RLIG1: variants seen among roughly 807,000 people sequenced by gnomAD.
RLIG1 encodes RNA ligase 1.
chr12:88,042,659 T>C, the RLIG1 span: 5 of 417,936 alleles, frequency 1.2e-5, no homozygotes, highest in African/African-American at 1.0e-4. Context: ...ATAAGTCTTC[T>C]CATAGCATCA....
chr12:88,042,626 C>T, the RLIG1 span: 6 of 387,256 alleles, frequency 1.5e-5, no homozygotes, highest in Admixed American at 4.6e-5. Flanking sequence ...TTGTCTCATC[C>T]CCCTCATTCT....
the RLIG1 span, chr12:88,045,368 A>G: frequency 2.0e-6 from 1 of 501,966 alleles, no homozygotes; most frequent in African/African-American, 1.9e-5. Context: ...TGTGTAGTGA[A>G]TAATAGGTTA....
chr12:88,049,356 T>C, the RLIG1 span: 2 of 1,574,344 alleles, frequency 1.3e-6, no homozygotes, highest in African/African-American at 1.4e-5. Context: ...ATCTTCAATT[T>C]CTTCAAAAAA....
the RLIG1 span, chr12:88,035,776 G>GGGCTCCTCCCCGCGGCGCT: frequency 6.4e-7 from 1 of 1,561,056 alleles, no homozygotes; most frequent in Non-Finnish European, 8.7e-7. Flanking sequence ...CGGCCCGCGT[G>GGGCTCCTCCCCGCGGCGCT]GGCTCCTCCC....
chr12:88,049,608 CCAGTT>C, the RLIG1 span: 13 of 460,848 alleles, frequency 2.8e-5, no homozygotes, highest in Admixed American at 4.2e-5. Context: ...ACTGTCAAGT[CCAGTT>C]ATGTATTCTG....
chr12:88,043,176 A>T, the RLIG1 span, among the ~76,000 whole-genome samples: 1 of 152,108 alleles, frequency 6.6e-6, no homozygotes, highest in South Asian at 2.1e-4. Context: ...CATTTTGTGT[A>T]AGAGACAAAT....
chr12:88,049,696 A>AT, the RLIG1 span: 1 of 234,986 alleles, frequency 4.3e-6, no homozygotes, highest in African/African-American at 2.3e-5. Context: ...CTAAAAGCAT[A>AT]TAAGAGCTTG....
At chr12:88,042,831 C>T in the RLIG1 span, 1 of 1,497,858 alleles carries the variant, frequency 6.7e-7, no homozygotes, top group Non-Finnish European at 8.9e-7. Context: ...TTAGATCAGC[C>T]ATACCTTTGG....
At chr12:88,040,015 T>G in the RLIG1 span, 1 of 662,054 alleles carries the variant, frequency 1.5e-6, no homozygotes, top group East Asian at 2.8e-5. Flanking sequence ...TAAATATTTT[T>G]AAATCATTCT....
At chr12:88,046,471 G>C in the RLIG1 span, among the ~76,000 whole-genome samples, 4 of 152,130 alleles carry the variant, frequency 2.6e-5, no homozygotes, top group African/African-American at 9.7e-5. Flanking sequence ...GGTATTTTAA[G>C]TTTTGTAGGC....
At chr12:88,043,723 G>C in the RLIG1 span, 1 of 1,575,478 alleles carries the variant, frequency 6.3e-7, no homozygotes, top group African/African-American at 1.4e-5. Flanking sequence ...CTGGTATCAT[G>C]ATATCTCTTC....
chr12:88,049,182 C>G, the RLIG1 span: 1 of 1,559,932 alleles, frequency 6.4e-7, no homozygotes, highest in Non-Finnish European at 8.7e-7. Context: ...TATAGGTGAC[C>G]TTTAGTAAAT....
the RLIG1 span, among the ~76,000 whole-genome samples, chr12:88,040,854 A>G: frequency 6.6e-6 from 1 of 152,142 alleles, no homozygotes; most frequent in Non-Finnish European, 1.5e-5. Flanking sequence ...CCAGAAAAAA[A>G]TAGCATCTGG....
the RLIG1 span, among the ~76,000 whole-genome samples, chr12:88,036,689 G>T: frequency 0.88 from 134,080 of 152,224 alleles, 59,937 homozygotes; most frequent in East Asian, 0.98. Flanking sequence ...CTGCTTTCTA[G>T]TGCTGTCACA....
At chr12:88,044,494 G>A in the RLIG1 span, 1 of 152,102 alleles carries the variant, frequency 6.6e-6, no homozygotes, top group Non-Finnish European at 1.5e-5. Context: ...CTTAGTTTCT[G>A]GTAATACAAA....
the RLIG1 span, chr12:88,049,322 T>G: frequency 6.3e-7 from 1 of 1,591,648 alleles, no homozygotes; most frequent in East Asian, 2.2e-5. Context: ...TCTTCTTCAC[T>G]TCTTCCTTGT....
At chr12:88,040,145 A>C in the RLIG1 span, 1 of 1,561,852 alleles carries the variant, frequency 6.4e-7, no homozygotes, top group Non-Finnish European at 8.8e-7. Context: ...CTCTTTTTTT[A>C]AGCCATTTAA....
chr12:88,046,905 TG>T, the RLIG1 span: 9 of 1,613,122 alleles, frequency 5.6e-6, no homozygotes, highest in Non-Finnish European at 7.6e-6. Context: ...TCTCGTGTCC[TG>T]GTTTGAAGAT....
chr12:88,046,863 A>G, the RLIG1 span: 1 of 1,613,234 alleles, frequency 6.2e-7, no homozygotes, highest in Non-Finnish European at 8.5e-7. Flanking sequence ...AGCATTTCAA[A>G]TAAGAAATCT....
Sources: allele counts gnomAD v4.1 joint callset (sites outside exome capture counted in the v4.1 genomes callset), GRCh38; gene constraint gnomAD v4.1.1; transcripts MANE v1.5; gene names NCBI Gene and HGNC (gene_info 2026-07-23, HGNC 2026-07-21).